Variants in SLC12A3 observed in about 807,000 individuals in gnomAD.
SLC12A3 encodes the protein Na-Cl cotransporter.
Under a neutral mutation model 121.0 loss-of-function variants are expected in SLC12A3, and 104 were observed. That is an observed-to-expected ratio of 0.86 (90% CI 0.73 to 1.01). The LOEUF (loss-of-function observed/expected upper bound fraction) is 1.01, where lower values mean the gene tolerates loss of function less well. SLC12A3 is among the 50% of genes least tolerant of loss of function. The probability of loss-of-function intolerance (pLI) is 0.00; values close to 1 mark genes in which losing one functional copy is unlikely to be tolerated. For synonymous variants in SLC12A3, 536 were observed against 533.4 expected (o/e 1.00, Z -0.07); for missense variants, 1,328 against 1,356.3 (o/e 0.98, Z 0.33).
chr16:56,870,652 C>G lies in SLC12A3; in HGVS notation c.768C>G (p.Pro256=). The G allele has an allele frequency of 6.2e-7, 1 of 1,613,316 alleles. No individual in the cohort carries two copies. Among genetic ancestry groups the G allele is most frequent in the South Asian group, 1.1e-5 (1 of 91,048 alleles). The change falls in exon 6 of 26, where the codon CCC becomes CCG. Residue 256 remains proline (P), a synonymous_variant. Transcript: ENST00000563236. ...AGTATGGGGCACCCATCGTGGACCC[C>G]ATTAACGACATCCGCATCATTGCCG... ...LQEYGAPIVD[P]INDIRIIAVV...
At chr16:56,874,821 C>CA (rs1279333769) in intron 8 of SLC12A3, among the ~76,000 whole-genome samples, 8 of 151,354 alleles carry the variant, frequency 5.3e-5, no homozygotes, top group African/African-American at 1.5e-4. Flanking sequence ...CACCCCCCCG[C>CA]AAAAAAAAGG....
chr16:56,901,605 G>T (rs902147146), intron 23 of SLC12A3, among the ~76,000 whole-genome samples: 3 of 152,206 alleles, frequency 2.0e-5, no homozygotes, highest in Non-Finnish European at 4.4e-5. Flanking sequence ...CTCCCAAAGT[G>T]CTGGGATTAC....
At chr16:56,896,180 GT>G (rs1333095284) in intron 22 of SLC12A3, among the ~76,000 whole-genome samples, 6 of 152,348 alleles carry the variant, frequency 3.9e-5, no homozygotes, top group African/African-American at 1.4e-4. Context: ...GTGGCCAGGG[GT>G]TGAGGCAGCA....
chr16:56,872,382 T>C lies in SLC12A3; in HGVS notation c.884T>C (p.Val295Ala). The C allele has an allele frequency of 6.2e-7, 1 of 1,613,984 alleles. No homozygotes were observed. Among genetic ancestry groups the C allele is most frequent in the African/African-American group, 1.3e-5 (1 of 75,054 alleles). ...AQVLFFLVIM[V>A]SFANYLVGTL... ...GTGCTGTTCTTCCTTGTCATCATGG[T>C]CTCCTTTGCCAACTATTTAGTGGGG... Residue 295 changes from valine (V) to alanine (A), a missense_variant, in exon 7 of 26, where the codon GTC becomes GCC. Physicochemically the swap from Val to Ala is moderately conservative, Grantham distance 64. Coordinates refer to ENST00000563236, the MANE Select transcript of SLC12A3 (RefSeq NM_001126108.2).
At chr16:56,912,237 C>G (rs1309272719) in intron 25 of SLC12A3, among the ~76,000 whole-genome samples, 1 of 152,236 alleles carries the variant, frequency 6.6e-6, no homozygotes, top group East Asian at 1.9e-4. Context: ...ACTGCTGGAG[C>G]CCACAGACCC....
At position 56,899,619 on chromosome 16, in the gene SLC12A3, A is replaced by G. The variant is rs762656082; in HGVS notation, c.2720+3A>G. 2 of 1,611,846 alleles carry G rather than the reference A, an allele frequency of 1.2e-6. No individual in the cohort carries two copies. Among genetic ancestry groups the G allele is most frequent in the Non-Finnish European group, 1.7e-6 (2 of 1,177,904 alleles). On this transcript the variant is annotated splice_donor_region_variant and intron_variant, in intron 23 of 25. Coordinates refer to ENST00000563236, the MANE Select transcript of SLC12A3 (RefSeq NM_001126108.2). ...AACCAGAACCCTCGGGCTGAGCAGT[A>G]AGTTCTGTTTTGGGGCTTCCAGGCA... is the stretch of plus-strand genomic sequence containing the variant.
intron 25 of SLC12A3, among the ~76,000 whole-genome samples, chr16:56,909,464 C>CA (rs577388877): frequency 6.6e-6 from 1 of 150,946 alleles, no homozygotes; most frequent in Non-Finnish European, 1.5e-5. Context: ...ATCAATCCCC[C>CA]ACCCACCAGC....
chr16:56,891,315 T>A (rs1429117326), intron 19 of SLC12A3, among the ~76,000 whole-genome samples: 1 of 134,582 alleles, frequency 7.4e-6, no homozygotes, highest in Non-Finnish European at 1.5e-5. Context: ...GAGGCTGCAG[T>A]GAGCCGTGAT....
chr16:56,880,485 T>C (rs776964616), intron 12 of SLC12A3, among the ~76,000 whole-genome samples: 34 of 152,164 alleles, frequency 2.2e-4, no homozygotes, highest in Non-Finnish European at 4.3e-4. Flanking sequence ...CCAAACCATG[T>C]CAGGCAGCAG....
In SLC12A3 at chr16:56,866,986, C is replaced by T. The variant is rs1964369641; in HGVS notation, c.283-84C>T. On this transcript the variant is annotated intron_variant, in intron 1 of 25. Coordinates refer to ENST00000563236, the MANE Select transcript of SLC12A3 (RefSeq NM_001126108.2). ...GTCGGGGGGTGCTCGGTATGGGGCG[C>T]AGTGGTGCAGGTCAGTGGGCTGGAT... 5.1e-6 allele frequency: 8 copies of T among 1,567,956 alleles called. No individual in the cohort carries two copies. In the South Asian group the frequency reaches 6.7e-5, roughly 13 times the overall value.
chr16:56,892,082 G>A lies in SLC12A3; in HGVS notation c.2369-1G>A. 1.2e-6 allele frequency: 2 copies of A among 1,613,098 alleles called. No homozygotes were observed. The highest frequency in any genetic ancestry group is 4.5e-5 in the East Asian group (2 of 44,888). On this transcript the variant is annotated splice_acceptor_variant, in intron 19 of 25. Coordinates refer to ENST00000563236, the MANE Select transcript of SLC12A3 (RefSeq NM_001126108.2). LOFTEE classifies it high-confidence loss of function. Reference sequence around the variant, plus strand: ...GAACAAAGCTGCCTCTTCTTTTGCAGTTAACCCCGTGTTTGACCCAGCGGA... The same window carrying A: ...GAACAAAGCTGCCTCTTCTTTTGCAATTAACCCCGTGTTTGACCCAGCGGA...
intron 6 of SLC12A3, 81 bp from the exon 7 acceptor site, chr16:56,872,270 T>C: frequency 1.1e-6 from 1 of 947,230 alleles, no homozygotes. Flanking sequence ...AAACGGGCCC[T>C]GGGCAAATCA....
In SLC12A3 at chr16:56,902,223, A is replaced by G. The variant is rs1392868150; in HGVS notation, c.2721-150A>G. ...CCCAGCCAGCAGAGCTGAATTCAAC[A>G]TGGAAGCCACTTTGTAAATGGCAGT... On this transcript the variant is annotated intron_variant, in intron 23 of 25. Transcript: ENST00000563236. 5 of 984,208 alleles carry G rather than the reference A, an allele frequency of 5.1e-6. No individual in the cohort carries two copies. The Admixed American group carries it at 8.2e-5, about 16-fold the overall frequency. 61.0% of individuals were successfully genotyped at this position (984,208 alleles called of 1,614,324 possible).
intron 25 of SLC12A3, chr16:56,906,922 G>A: frequency 2.2e-6 from 1 of 456,526 alleles, no homozygotes; most frequent in Non-Finnish European, 4.1e-6. Context: ...CTGGCAAAAG[G>A]TGGGCTGGAG....
In SLC12A3 at chr16:56,865,259, G is replaced by C. The variant is rs751696220; in HGVS notation, c.24G>C (p.Glu8Asp). MAELPTT[E>D]TPGDATLCSG... The stretch of plus-strand genomic sequence containing the variant: ...CAATGGCAGAACTGCCCACAACAGA[G>C]ACGCCTGGGGACGCCACTTTGTGCA... The change falls in exon 1 of 26, where the codon GAG (glutamate) becomes GAC (aspartate). Residue 8 changes from glutamate to aspartate, a missense_variant. By Grantham distance (45) the Glu-to-Asp change is conservative (BLOSUM62 2). Coordinates refer to ENST00000563236, the MANE Select transcript of SLC12A3 (RefSeq NM_001126108.2). 1 of 1,613,766 alleles carries C rather than the reference G, an allele frequency of 6.2e-7. No homozygotes were observed. Among genetic ancestry groups the C allele is most frequent in the East Asian group, 2.2e-5 (1 of 44,882 alleles).
Position 56,913,860 on chromosome 16 carries a change from C to T in SLC12A3, c.*455C>T, listed in dbSNP as rs1169128119. ...GCCTCACCTGTAGGACCTACAGGCT[C>T]TCTAAGGAATGCAGGTCTCTCTCTG... is the stretch of plus-strand genomic sequence containing the variant. On this transcript the variant is annotated 3_prime_UTR_variant, in exon 26 of 26. Coordinates refer to ENST00000563236, the MANE Select transcript of SLC12A3 (RefSeq NM_001126108.2). 2 of 228,216 alleles carry T rather than the reference C, an allele frequency of 8.8e-6. No homozygotes were observed. Among genetic ancestry groups the T allele is most frequent in the African/African-American group, 4.6e-5 (2 of 43,714 alleles). 14.1% of individuals were successfully genotyped at this position (228,216 alleles called of 1,614,324 possible). A position where few individuals can be genotyped will look rare whatever the true frequency, so the allele number is the denominator to read the frequency against.
intron 1 of SLC12A3, 139 bp downstream of exon 1, chr16:56,865,656 T>C: frequency 2.1e-6 from 2 of 935,424 alleles, no homozygotes; most frequent in East Asian, 5.2e-5. Context: ...GAGGCCCCAG[T>C]GAAATAGTGG....
intron 8 of SLC12A3, 60 bp downstream of exon 8, chr16:56,872,846 C>A (rs1306190955): frequency 3.7e-6 from 6 of 1,606,012 alleles, no homozygotes; most frequent in Non-Finnish European, 4.3e-6. Context: ...TGAGCAGAAT[C>A]CTGCCCCCTG....
chr16:56,890,398 C>G (rs889551331), intron 19 of SLC12A3, 42 bp downstream of exon 19: 5 of 1,560,786 alleles, frequency 3.2e-6, no homozygotes, highest in Non-Finnish European at 4.4e-6. Context: ...TTCTAGAACA[C>G]ATTTTTTGTT....
Sources: allele counts gnomAD v4.1 joint callset (sites outside exome capture counted in the v4.1 genomes callset), GRCh38; gene constraint gnomAD v4.1.1; transcripts MANE v1.5; gene names NCBI Gene and HGNC (gene_info 2026-07-23, HGNC 2026-07-21).